Variants in SOAT1 observed in about 807,000 individuals in gnomAD.
SOAT1 encodes acyl-coenzyme A:cholesterol acyltransferase 1.
A neutral mutation model predicts 69.5 loss-of-function variants in SOAT1; 55 were observed. The observed-to-expected ratio is 0.79, with a 90% CI of 0.64 to 0.99. The LOEUF (loss-of-function observed/expected upper bound fraction) is 0.99. Among genes scored for constraint, SOAT1 ranks in the 50% least tolerant of loss-of-function variants. SOAT1 has a pLI of 0.00. For missense variants in SOAT1, 580 were observed against 669.3 expected, an observed-to-expected ratio of 0.87 and a Z score of 1.47; for synonymous variants, 231 against 224.7, an observed-to-expected ratio of 1.03 and a Z score of -0.25.
intron 3 of SOAT1, among the ~76,000 whole-genome samples, chr1:179,326,689 C>A (rs1665805962): frequency 6.6e-6 from 1 of 151,644 alleles, no homozygotes; most frequent in African/African-American, 2.4e-5. Context: ...TCCCCAGCAG[C>A]TGAGATTACA....
chr1:179,294,952 T>A (rs1445422587), intron 1 of SOAT1, among the ~76,000 whole-genome samples: 1 of 149,340 alleles, frequency 6.7e-6, no homozygotes, highest in Non-Finnish European at 1.5e-5. Context: ...TTTTTTTTTT[T>A]CTTTTTAAAA....
At chr1:179,326,949 T>C (rs1665815812) in intron 3 of SOAT1, among the ~76,000 whole-genome samples, 1 of 152,208 alleles carries the variant, frequency 6.6e-6, no homozygotes, top group Non-Finnish European at 1.5e-5. Context: ...ACAGTGAGAA[T>C]AGACAGGGAG....
intron 2 of SOAT1, among the ~76,000 whole-genome samples, chr1:179,320,259 A>T (rs1287215247): frequency 6.6e-6 from 1 of 152,104 alleles, no homozygotes; most frequent in Non-Finnish European, 1.5e-5. Flanking sequence ...GTGGCTATTC[A>T]GTTGTCCCAG....
chr1:179,353,567 T>C lies in SOAT1; in HGVS notation c.1597-18T>C, dbSNP rs200415119. 6.2e-7 allele frequency: 1 copy of C among 1,610,096 alleles called. No individual in the cohort carries two copies. Among genetic ancestry groups the C allele is most frequent in the Non-Finnish European group, 8.5e-7 (1 of 1,176,440 alleles). On this transcript the variant is annotated intron_variant, in intron 15 of 15. Coordinates refer to ENST00000367619, the MANE Select transcript of SOAT1 (RefSeq NM_003101.6). The stretch of plus-strand genomic sequence containing the variant: ...TGTACACAAATTATTTTTCCATTCT[T>C]ATTTTTCCCCACTGCAGCCCACATT...
rs1226548633 is a variant in SOAT1 at position 179,342,270 on chromosome 1, CCCTTCTTT to C, written c.859+92_859+99del. 1,270 of 781,806 alleles carry C rather than the reference CCCTTCTTT, an allele frequency of 1.6e-3. 10 individuals are homozygous for C. The highest frequency in any genetic ancestry group is 2.6e-3 in the Middle Eastern group (8 of 3,064). The allele number at this position is 781,806 out of a possible 1,614,324, so 48.4% of individuals were successfully genotyped here. A position where few individuals can be genotyped will look rare whatever the true frequency, so the allele number is the denominator to read the frequency against. On this transcript the variant is annotated intron_variant, in intron 8 of 15. Coordinates refer to ENST00000367619, the MANE Select transcript of SOAT1 (RefSeq NM_003101.6). ...CCACCCCATTCCCTTCCCTTCCCTT[CCCTTCTTT>C]CCTTCTTTCCTTCCCTCCCTCCCTC...
chr1:179,358,241 T>C lies in SOAT1; in HGVS notation c.*4600T>C, dbSNP rs916008278. The C allele has an allele frequency of 6.6e-6, 1 of 152,232 alleles. No individual in the cohort carries two copies. Among genetic ancestry groups the C allele is most frequent in the African/African-American group, 2.4e-5 (1 of 41,462 alleles). The allele number at this position is 152,232 out of a possible 1,614,324, so 9.4% of individuals were successfully genotyped here. A position where few individuals can be genotyped will look rare whatever the true frequency, so the allele number is the denominator to read the frequency against. ...ATTAGTCAAGCATATTATTAAAGTTTAAAAAACTCTAAAACTTCTGTACTG... is the reference window on the plus strand; with the variant it reads ...ATTAGTCAAGCATATTATTAAAGTTCAAAAAACTCTAAAACTTCTGTACTG... On this transcript the variant is annotated 3_prime_UTR_variant, in exon 16 of 16. Transcript: ENST00000367619.
At chr1:179,341,679 C>T (rs1385948305) in intron 7 of SOAT1, among the ~76,000 whole-genome samples, 4 of 151,866 alleles carry the variant, frequency 2.6e-5, no homozygotes, top group African/African-American at 7.3e-5. Flanking sequence ...GGACTGCAGG[C>T]GCCTGCCACC....
intron 1 of SOAT1, among the ~76,000 whole-genome samples, chr1:179,299,777 G>A (rs557709286): frequency 2.0e-3 from 140 of 71,174 alleles, no homozygotes; most frequent in African/African-American, 7.8e-3. Context: ...TTTTTGAGAC[G>A]GAGTCTTGCT....
intron 2 of SOAT1, among the ~76,000 whole-genome samples, chr1:179,305,105 TCTC>T (rs1463936963): frequency 3.6e-5 from 4 of 111,642 alleles, no homozygotes; most frequent in Non-Finnish European, 6.1e-5. Context: ...GTCCCATTCC[TCTC>T]CTCTTAGCCT....
At chr1:179,345,587 G>A (rs1666501708) in intron 11 of SOAT1, among the ~76,000 whole-genome samples, 2 of 147,884 alleles carry the variant, frequency 1.4e-5, no homozygotes, top group South Asian at 4.3e-4. Context: ...TTTTGAAATC[G>A]GGTCTCTCTT....
intron 12 of SOAT1, among the ~76,000 whole-genome samples, chr1:179,348,032 G>C (rs571787358): frequency 9.8e-5 from 15 of 152,314 alleles, no homozygotes; most frequent in Admixed American, 5.9e-4. Context: ...GAAATGGACC[G>C]TCTAGTTCTG....
rs576996062 is a variant in SOAT1 at position 179,297,813 on chromosome 1, C to A, written c.-9+3877C>A. ...TTGGGAGGCCGAGGCAGGCGGATCA[C>A]CTGAGGTTGGGAGTTCGACACCCCA... is the stretch of plus-strand genomic sequence containing the variant. On this transcript the variant is annotated intron_variant, in intron 1 of 15. Coordinates refer to ENST00000367619, the MANE Select transcript of SOAT1 (RefSeq NM_003101.6). Among the ~76,000 whole-genome samples, 90 of 150,682 alleles carry A rather than the reference C, an allele frequency of 6.0e-4. 1 individual carries two copies. The highest frequency in any genetic ancestry group is 3.2e-3 in the Admixed American group (48 of 15,182).
chr1:179,315,449 AAC>A (rs1347042805), intron 2 of SOAT1, among the ~76,000 whole-genome samples: 1 of 151,998 alleles, frequency 6.6e-6, no homozygotes, highest in Non-Finnish European at 1.5e-5. Context: ...TAGCCTGAGC[AAC>A]AGAGTGAGAA....
At chr1:179,341,529 C>T (rs986184149) in intron 7 of SOAT1, among the ~76,000 whole-genome samples, 13 of 148,890 alleles carry the variant, frequency 8.7e-5, no homozygotes, top group African/African-American at 2.2e-4. Context: ...AAATAAATTA[C>T]GTTGAACTTT....
chr1:179,308,603 C>T (rs1352871343), intron 2 of SOAT1, among the ~76,000 whole-genome samples: 5 of 145,880 alleles, frequency 3.4e-5, no homozygotes, highest in South Asian at 4.3e-4. Flanking sequence ...ACCTGGGAGA[C>T]GGAGGTTTCA....
chr1:179,312,071 C>G (rs1665237378), intron 2 of SOAT1, among the ~76,000 whole-genome samples: 1 of 152,146 alleles, frequency 6.6e-6, no homozygotes. Flanking sequence ...CTAAAAGTTA[C>G]TTGGTGGGGC....
chr1:179,351,782 C>T (rs542116739), intron 15 of SOAT1, among the ~76,000 whole-genome samples: 1 of 132,994 alleles, frequency 7.5e-6, no homozygotes, highest in East Asian at 2.5e-4. Flanking sequence ...TGCAGTGGTG[C>T]AATCTCAGCT....
chr1:179,353,558 T>G, intron 15 of SOAT1, 27 bp from the exon 16 acceptor site: 1 of 1,602,876 alleles, frequency 6.2e-7, no homozygotes, highest in Non-Finnish European at 8.5e-7. Context: ...CAAATTATTT[T>G]TCCATTCTTA....
At chr1:179,306,480 T>C (rs1290556646) in intron 2 of SOAT1, among the ~76,000 whole-genome samples, 1 of 152,194 alleles carries the variant, frequency 6.6e-6, no homozygotes, top group Non-Finnish European at 1.5e-5. Context: ...GTTAAATTCA[T>C]TGTGAAATGG....
Sources: allele counts gnomAD v4.1 joint callset (sites outside exome capture counted in the v4.1 genomes callset), GRCh38; gene constraint gnomAD v4.1.1; transcripts MANE v1.5; gene names NCBI Gene and HGNC (gene_info 2026-07-23, HGNC 2026-07-21).